The following EDNRB variants were observed in gnomAD, a reference collection of about 807,000 sequenced individuals.
The protein encoded by EDNRB is endothelin receptor type B, also known as Hirschsprung disease 2.
A neutral mutation model predicts 46.4 loss-of-function variants in EDNRB; 18 were observed. The observed-to-expected ratio is 0.39, with a 90% CI of 0.27 to 0.57. The LOEUF (loss-of-function observed/expected upper bound fraction) is 0.57. Among genes scored for constraint, EDNRB ranks in the 20% least tolerant of loss-of-function variants. EDNRB has a pLI of 0.61. For missense variants in EDNRB, 434 were observed against 537.5 expected (o/e 0.81, Z 1.90); for synonymous variants, 213 against 204.9 (o/e 1.04, Z -0.34).
intron 6 of EDNRB, 141 bp downstream of exon 6, chr13:77,899,718 T>TA (rs1463784631): frequency 1.6e-5 from 11 of 690,328 alleles, no homozygotes; most frequent in South Asian, 1.1e-4. Flanking sequence ...AAGTTGTATT[T>TA]AAAAAAATCA....
chr13:77,920,356 A>G (rs1880043705), upstream of EDNRB, among the ~76,000 whole-genome samples: 1 of 152,246 alleles, frequency 6.6e-6, no homozygotes, highest in Non-Finnish European at 1.5e-5. Context: ...GAGATTGTAT[A>G]AAAGAGGTCA....
chr13:77,901,270 T>C (rs746579742), intron 3 of EDNRB, 63 bp from the exon 4 acceptor site: 8 of 1,555,890 alleles, frequency 5.1e-6, no homozygotes, highest in African/African-American at 1.4e-5. Flanking sequence ...ATATAACAAA[T>C]GTTAAACTTA....
At position 77,918,792 on chromosome 13, in the gene EDNRB, G is replaced by A. The variant is rs200302198; in HGVS notation, c.-219C>T. ...TGGCGCTCATGACTCGCCAGCGCGG[G>A]TCGAAACTCCTTCCTGATGCCCTCT... On this transcript the variant is annotated 5_prime_UTR_variant, in exon 1 of 7. Coordinates refer to ENST00000646607, the MANE Select transcript of EDNRB (RefSeq NM_001122659.3). This position sits in a 1 kb window ranked among gnomAD's most constrained non-coding sequence, Gnocchi z 4.5. The A allele has an allele frequency of 8.3e-4, 1,097 of 1,321,740 alleles. 2 individuals carry two copies. The highest frequency in any genetic ancestry group is 7.4e-4 in the Non-Finnish European group (768 of 1,041,268). 81.9% of individuals were successfully genotyped at this position (1,321,740 alleles called of 1,614,324 possible). A position where few individuals can be genotyped will look rare whatever the true frequency, so the allele number is the denominator to read the frequency against.
intron 1 of EDNRB, among the ~76,000 whole-genome samples, chr13:77,943,479 G>C (rs932790494): frequency 2.0e-5 from 3 of 152,040 alleles, no homozygotes; most frequent in Admixed American, 2.0e-4. Context: ...ACAAACTGAA[G>C]TAACTGCCTG....
At chr13:77,957,104 T>C (rs2137680340) in intron 1 of EDNRB, among the ~76,000 whole-genome samples, 1 of 152,332 alleles carries the variant, frequency 6.6e-6, no homozygotes, top group Non-Finnish European at 1.5e-5. Context: ...TAATATAATA[T>C]TGATAAATCA....
At chr13:77,961,651 A>G (rs1421414067) in intron 1 of EDNRB, among the ~76,000 whole-genome samples, 1 of 152,246 alleles carries the variant, frequency 6.6e-6, no homozygotes, top group Non-Finnish European at 1.5e-5. Flanking sequence ...GGAAATTTAT[A>G]GCACTAAATG....
chr13:77,920,582 A>G (rs1880055337), upstream of EDNRB, among the ~76,000 whole-genome samples: 1 of 152,230 alleles, frequency 6.6e-6, no homozygotes, highest in African/African-American at 2.4e-5. Context: ...TTTCTGGGAC[A>G]GTGGAAGTAG....
intron 1 of EDNRB, among the ~76,000 whole-genome samples, chr13:77,972,716 G>A (rs1881772412): frequency 6.6e-6 from 1 of 152,160 alleles, no homozygotes; most frequent in Non-Finnish European, 1.5e-5. Context: ...AACAGTTTGA[G>A]GTGAAATTGA....
intron 1 of EDNRB, among the ~76,000 whole-genome samples, chr13:77,966,201 A>C (rs939918988): frequency 6.6e-6 from 1 of 152,134 alleles, no homozygotes; most frequent in Non-Finnish European, 1.5e-5. Flanking sequence ...AGTTAGAATT[A>C]TCTTTCTAAG....
At chr13:77,908,497 A>G (rs1453553521) in intron 1 of EDNRB, among the ~76,000 whole-genome samples, 1 of 151,654 alleles carries the variant, frequency 6.6e-6, no homozygotes, top group Non-Finnish European at 1.5e-5. Context: ...GATTGTTCTT[A>G]TAGATGGGTA....
At chr13:77,925,825 C>T (rs1310458303) in intron 1 of EDNRB, among the ~76,000 whole-genome samples, 4 of 152,190 alleles carry the variant, frequency 2.6e-5, no homozygotes, top group Non-Finnish European at 1.5e-5. Flanking sequence ...ACATCTTGCA[C>T]CGTGCGCCTG....
chr13:77,897,175 A>G lies in EDNRB; in HGVS notation c.*1025T>C. On this transcript the variant is annotated 3_prime_UTR_variant, in exon 7 of 7. Transcript: ENST00000646607. The stretch of plus-strand genomic sequence containing the variant: ...CAGGCAGTTCACAGTCTTTATTATG[A>G]GGTCACTGGCATCTCTCCATCGTAA... 1 of 985,382 alleles carries G rather than the reference A, an allele frequency of 1.0e-6. No homozygotes were observed. The highest frequency in any genetic ancestry group is 1.2e-6 in the Non-Finnish European group (1 of 829,994). 61.0% of individuals were successfully genotyped at this position (985,382 alleles called of 1,614,324 possible). A position where few individuals can be genotyped will look rare whatever the true frequency, so the allele number is the denominator to read the frequency against.
chr13:77,918,363 C>A lies in EDNRB; in HGVS notation c.211G>T (p.Val71Leu). 1.9e-6 allele frequency: 3 copies of A among 1,610,808 alleles called. No individual in the cohort carries two copies. The highest frequency in any genetic ancestry group is 1.1e-5 in the South Asian group (1 of 90,974). The change falls in exon 1 of 7, where the codon GTG (valine) becomes TTG (leucine). Residue 71 changes from valine (V) to leucine (L), a missense_variant. Coordinates refer to ENST00000646607, the MANE Select transcript of EDNRB (RefSeq NM_001122659.3). This position sits in a 1 kb window ranked among gnomAD's most constrained non-coding sequence, Gnocchi z 4.5. Reference sequence around the variant, plus strand: ...CCTGCCGTCCTGTCTCCTTTAGGCACCTCCGCAGGTGCCAACGACCGCGCC... The same window carrying A: ...CCTGCCGTCCTGTCTCCTTTAGGCAACTCCGCAGGTGCCAACGACCGCGCC... ...SLARSLAPAE[V>L]PKGDRTAGSP...
chr13:77,950,098 AAC>A (rs1881047325), intron 1 of EDNRB, among the ~76,000 whole-genome samples: 1 of 152,206 alleles, frequency 6.6e-6, no homozygotes, highest in African/African-American at 2.4e-5. Flanking sequence ...TCCACTGTAC[AAC>A]ACAGAGACAA....
intron 1 of EDNRB, among the ~76,000 whole-genome samples, chr13:77,914,084 T>C (rs1594369999): frequency 6.6e-6 from 1 of 152,236 alleles, no homozygotes; most frequent in East Asian, 1.9e-4. Flanking sequence ...TAGTGATTAA[T>C]ACCAAGAGTA....
chr13:77,965,494 G>A (rs1197936892), intron 1 of EDNRB, among the ~76,000 whole-genome samples: 1 of 152,132 alleles, frequency 6.6e-6, no homozygotes, highest in African/African-American at 2.4e-5. Flanking sequence ...AATTATTGAA[G>A]AATGGGATGA....
intron 1 of EDNRB, among the ~76,000 whole-genome samples, chr13:77,936,248 G>A (rs1378799728): frequency 6.6e-6 from 1 of 152,198 alleles, no homozygotes; most frequent in Non-Finnish European, 1.5e-5. Context: ...AGGTGTGGCT[G>A]TAGCCCAGGA....
Position 77,897,334 on chromosome 13 carries a change from A to T in EDNRB, c.*866T>A. 1 of 985,270 alleles carries T rather than the reference A, an allele frequency of 1.0e-6. No homozygotes were observed. The highest frequency in any genetic ancestry group is 1.2e-6 in the Non-Finnish European group (1 of 829,852). The allele number at this position is 985,270 out of a possible 1,614,324, so 61.0% of individuals were successfully genotyped here. On this transcript the variant is annotated 3_prime_UTR_variant, in exon 7 of 7. Transcript: ENST00000646607. The stretch of plus-strand genomic sequence containing the variant: ...AAGAAGATTTTAATAATCCTGAAAA[A>T]ATTGTAGATAGTATTGTCTTCACAG...
chr13:77,957,247 C>A (rs977839056), intron 1 of EDNRB, among the ~76,000 whole-genome samples: 8 of 152,146 alleles, frequency 5.3e-5, no homozygotes, highest in Non-Finnish European at 8.8e-5. Context: ...ACCAGCTGCA[C>A]TAACAGAACC....
Sources: gnomAD v4.1 joint callset for allele counts (sites outside exome capture counted in the v4.1 genomes callset) on GRCh38, gnomAD v4.1.1 for gene constraint, Gnocchi (gnomAD v3.1) non-coding constraint, MANE v1.5 for transcripts, NCBI Gene and HGNC (gene_info 2026-07-23, HGNC 2026-07-21) for gene names.